CPM: variants seen among roughly 807,000 people sequenced by gnomAD.
CPM encodes the protein carboxypeptidase M.
Under a neutral mutation model 46.4 loss-of-function variants are expected in CPM, and 35 were observed. That is an observed-to-expected ratio of 0.75 (90% CI 0.58 to 1.00). The LOEUF (loss-of-function observed/expected upper bound fraction) is 1.00, where lower values mean the gene tolerates loss of function less well. Among genes scored for constraint, CPM ranks in the 50% least tolerant of loss-of-function variants. The pLI is 0.00. For missense variants in CPM, 422 were observed against 530.4 expected, an observed-to-expected ratio of 0.80 and a Z score of 2.01; for synonymous variants, 195 against 195.3, an observed-to-expected ratio of 1.00 and a Z score of 0.01.
chr12:68,958,967 A>T (rs1294274331), intron 1 of CPM, among the ~76,000 whole-genome samples: 3 of 152,054 alleles, frequency 2.0e-5, no homozygotes, highest in Non-Finnish European at 4.4e-5. Context: ...GTTCCTTCTT[A>T]TTCGGGTTTC....
upstream of CPM, among the ~76,000 whole-genome samples, chr12:68,934,824 A>G (rs1275824513): frequency 6.6e-6 from 1 of 152,250 alleles, no homozygotes; most frequent in Non-Finnish European, 1.5e-5. Flanking sequence ...GAACTGTGCG[A>G]AGCGTTTATT....
intron 1 of CPM, among the ~76,000 whole-genome samples, chr12:68,953,048 G>C (rs957766725): frequency 1.3e-5 from 2 of 152,168 alleles, no homozygotes; most frequent in African/African-American, 4.8e-5. Flanking sequence ...TCCCAAGAAG[G>C]TAATGTCAGG....
intron 3 of CPM, among the ~76,000 whole-genome samples, chr12:68,883,779 A>T (rs754094620): frequency 2.6e-5 from 4 of 152,074 alleles, no homozygotes; most frequent in Non-Finnish European, 5.9e-5. Context: ...AAAGACAATG[A>T]ATGCCATATG....
intron 2 of CPM, among the ~76,000 whole-genome samples, chr12:68,909,767 T>C (rs1024818963): frequency 7.1e-6 from 1 of 140,260 alleles, no homozygotes; most frequent in African/African-American, 2.7e-5. Context: ...TTCTCACTCA[T>C]AAGTAGGAGT....
chr12:68,847,196 T>TATATATATATATATATATATATATA (rs1884363867), downstream of CPM: 5 of 92,058 alleles, frequency 5.4e-5, no homozygotes, highest in Admixed American at 9.8e-5. Context: ...TGTGTGTACA[T>TATATATATATATATATATATATATA]TATATATATA....
chr12:68,933,515 T>C (rs930524096), upstream of CPM, among the ~76,000 whole-genome samples: 1 of 152,136 alleles, frequency 6.6e-6, no homozygotes, highest in African/African-American at 2.4e-5. Flanking sequence ...AGGGACACTC[T>C]CTGTCGCAGA....
chr12:68,872,535 G>C (rs1227117894), intron 3 of CPM, among the ~76,000 whole-genome samples: 1 of 152,160 alleles, frequency 6.6e-6, no homozygotes, highest in East Asian at 1.9e-4. Context: ...TTACAGGCAT[G>C]AGACACTGCG....
chr12:68,952,927 G>A (rs564235107), intron 1 of CPM, among the ~76,000 whole-genome samples: 8 of 152,288 alleles, frequency 5.3e-5, no homozygotes, highest in Admixed American at 3.9e-4. Flanking sequence ...CATGAGGCTT[G>A]AGCTCTGTTG....
intron 1 of CPM, among the ~76,000 whole-genome samples, chr12:68,954,901 C>T (rs551054648): frequency 1.3e-5 from 2 of 152,242 alleles, no homozygotes; most frequent in African/African-American, 4.8e-5. Context: ...CAGGTGTCTG[C>T]AGCAGAAGCC....
At chr12:68,902,710 A>G (rs937199011) in intron 2 of CPM, among the ~76,000 whole-genome samples, 17 of 152,220 alleles carry the variant, frequency 1.1e-4, no homozygotes, top group African/African-American at 4.1e-4. Flanking sequence ...TAAGGCAGGT[A>G]TTATTATCCT....
At chr12:68,953,326 T>C (rs1446589882) in intron 1 of CPM, among the ~76,000 whole-genome samples, 1 of 152,130 alleles carries the variant, frequency 6.6e-6, no homozygotes, top group Non-Finnish European at 1.5e-5. Flanking sequence ...CAGCAGTTCT[T>C]TCATATTTCC....
At chr12:68,872,770 G>T (rs759761380) in intron 3 of CPM, among the ~76,000 whole-genome samples, 1 of 151,134 alleles carries the variant, frequency 6.6e-6, no homozygotes, top group African/African-American at 2.4e-5. Context: ...GTCTTGCTAT[G>T]TTGCTAAGGC....
intron 2 of CPM, among the ~76,000 whole-genome samples, chr12:68,916,851 G>C (rs1887825611): frequency 7.0e-6 from 1 of 143,096 alleles, no homozygotes; most frequent in South Asian, 2.2e-4. Context: ...TCGCACCATT[G>C]CACTCCAGCC....
intron 2 of CPM, among the ~76,000 whole-genome samples, chr12:68,902,366 G>C (rs1280571867): frequency 1.3e-5 from 2 of 152,154 alleles, no homozygotes; most frequent in African/African-American, 4.8e-5. Flanking sequence ...GAAATACCAT[G>C]CCTCAAGAAA....
chr12:68,939,094 A>G (rs1888719742), intron 1 of CPM, among the ~76,000 whole-genome samples: 1 of 146,290 alleles, frequency 6.8e-6, no homozygotes, highest in Non-Finnish European at 1.5e-5. Context: ...ACACATATGT[A>G]TCTATATATA....
intron 2 of CPM, among the ~76,000 whole-genome samples, chr12:68,930,604 T>C (rs368376739): frequency 2.8e-4 from 42 of 152,374 alleles, no homozygotes; most frequent in African/African-American, 9.6e-4. Context: ...CGAGTTATTA[T>C]TCAGAACAAC....
chr12:68,845,701 T>G (rs1390270048), intron 5 of CPM: 1 of 171,070 alleles, frequency 5.8e-6, no homozygotes, highest in African/African-American at 2.4e-5. Flanking sequence ...AACTTAGATG[T>G]CCAGCCAACA....
intron 3 of CPM, among the ~76,000 whole-genome samples, chr12:68,876,176 T>G (rs931095963): frequency 6.6e-6 from 1 of 152,220 alleles, no homozygotes; most frequent in Non-Finnish European, 1.5e-5. Flanking sequence ...AAAGTATTTT[T>G]TGTGTGTCTC....
At chr12:68,946,465 C>T (rs936336570) in intron 1 of CPM, among the ~76,000 whole-genome samples, 1 of 152,072 alleles carries the variant, frequency 6.6e-6, no homozygotes, top group Admixed American at 6.5e-5. Context: ...CTGCAGATAC[C>T]TGTATGAATT....
Sources: allele counts gnomAD v4.1 joint callset (sites outside exome capture counted in the v4.1 genomes callset), GRCh38; gene constraint gnomAD v4.1.1; transcripts MANE v1.5; gene names NCBI Gene and HGNC (gene_info 2026-07-23, HGNC 2026-07-21).